Variants in STAG1 observed in about 807,000 individuals in gnomAD.
STAG1 encodes the protein STAG1 cohesin complex component.
In STAG1, 26 loss-of-function variants were observed where a neutral mutation model predicts 170.9. That is an observed-to-expected ratio of 0.15 (90% CI 0.11 to 0.21). The LOEUF (loss-of-function observed/expected upper bound fraction) is 0.21. Ranked by LOEUF, STAG1 falls within the 10% of genes least tolerant of loss-of-function variation. The pLI, the probability that STAG1 is intolerant of heterozygous loss-of-function variation, is 1.00. For missense variants in STAG1, 964 were observed against 1,509.5 expected (o/e 0.64, Z 5.99); for synonymous variants, 514 against 497.7 (o/e 1.03, Z -0.44).
chr3:136,371,622 A>C lies in STAG1; in HGVS notation c.2371-2340T>G, dbSNP rs376073002. On this transcript the variant is annotated intron_variant, in intron 23 of 33. Coordinates refer to ENST00000383202, the MANE Select transcript of STAG1 (RefSeq NM_005862.3). ...ATTTATTAAATAGGGAATCCTTTCCACATTGCTTGTTTTTCTCAGGTTTGT... is the reference window on the plus strand; with the variant it reads ...ATTTATTAAATAGGGAATCCTTTCCCCATTGCTTGTTTTTCTCAGGTTTGT... Among the ~76,000 whole-genome samples the C allele has an allele frequency of 1.5e-3, 231 of 152,204 alleles. 1 individual carries two copies. Among genetic ancestry groups the C allele is most frequent in the Admixed American group, 2.7e-3 (42 of 15,288 alleles).
At position 136,503,742 on chromosome 3, in the gene STAG1, A is replaced by AT. The variant is rs566628433; in HGVS notation, c.677-964dup. On this transcript the variant is annotated intron_variant, in intron 7 of 33. Coordinates refer to ENST00000383202, the MANE Select transcript of STAG1 (RefSeq NM_005862.3). The stretch of plus-strand genomic sequence containing the variant: ...CTGTTTCTAAAATTTCATTATTTTT[A>AT]TTTTTTTTTTGAGTTGGAGTTTCGC... 8.1e-4 allele frequency among the ~76,000 whole-genome samples: 121 copies of AT among 149,614 alleles called. 1 individual carries two copies. The highest frequency in any genetic ancestry group is 1.1e-3 in the South Asian group (5 of 4,726).
At chr3:136,356,306 T>C (rs565387840) in intron 28 of STAG1, among the ~76,000 whole-genome samples, 1 of 152,322 alleles carries the variant, frequency 6.6e-6, no homozygotes, top group South Asian at 2.1e-4. Context: ...CATCTTTACT[T>C]AGAACTATCA....
Position 136,551,255 on chromosome 3 carries a change from GAGA to G in STAG1, c.395-9063_395-9061del, listed in dbSNP as rs1559874416. Among the ~76,000 whole-genome samples the G allele has an allele frequency of 9.1e-5, 13 of 142,330 alleles. No individual in the cohort carries two copies. The East Asian group carries it at 2.0e-3, about 22-fold the overall frequency. The allele number at this position is 142,330 out of a possible 152,430, so 93.4% of individuals were successfully genotyped here. A position where few individuals can be genotyped will look rare whatever the true frequency, so the allele number is the denominator to read the frequency against. ...AGAGAGAGAGAGAGAGAGAGAGAGA[GAGA>G]GAGGGAGAGCGAGAGAGCGTGCTCT... On this transcript the variant is annotated intron_variant, in intron 5 of 33. Coordinates refer to ENST00000383202, the MANE Select transcript of STAG1 (RefSeq NM_005862.3).
intron 5 of STAG1, among the ~76,000 whole-genome samples, chr3:136,557,100 G>T (rs780028894): frequency 3.0e-4 from 46 of 151,956 alleles, no homozygotes; most frequent in Middle Eastern, 3.4e-3. Flanking sequence ...CAGGTGTAGT[G>T]GTGGTGCGTG....
intron 1 of STAG1, among the ~76,000 whole-genome samples, chr3:136,642,264 CTTTTTTTTTTT>C (rs10592920): frequency 1.2e-5 from 1 of 84,948 alleles, no homozygotes; most frequent in South Asian, 5.1e-4. Flanking sequence ...GACAGAATTT[CTTTTTTTTTTT>C]TTTTTTTTTT....
At chr3:136,445,482 C>G (rs914145006) in intron 14 of STAG1, among the ~76,000 whole-genome samples, 3 of 152,040 alleles carry the variant, frequency 2.0e-5, no homozygotes, top group Non-Finnish European at 4.4e-5. Context: ...TTATTTTAAG[C>G]TAAAATAAAG....
At chr3:136,380,576 T>C (rs978448066) in intron 22 of STAG1, among the ~76,000 whole-genome samples, 4 of 151,852 alleles carry the variant, frequency 2.6e-5, no homozygotes, top group African/African-American at 9.7e-5. Context: ...AAATAATATA[T>C]TGGCTCTAAA....
chr3:136,368,310 C>T (rs1013753612), intron 24 of STAG1, among the ~76,000 whole-genome samples: 3 of 152,082 alleles, frequency 2.0e-5, no homozygotes, highest in Non-Finnish European at 1.5e-5. Flanking sequence ...TCTAAGTGAA[C>T]TTATTTACAA....
chr3:136,724,328 A>ATG (rs1933532159), intron 1 of STAG1, among the ~76,000 whole-genome samples: 1 of 151,866 alleles, frequency 6.6e-6, no homozygotes. Context: ...TCTCTGAAAC[A>ATG]TGTGCTGTGT....
In STAG1 at chr3:136,452,181, A is replaced by T. The variant is rs780609088; in HGVS notation, c.1314-34T>A. The T allele has an allele frequency of 3.7e-6, 5 of 1,340,740 alleles. 1 individual carries two copies. In the South Asian group the frequency reaches 6.0e-5, roughly 16 times the overall value. The allele number at this position is 1,340,740 out of a possible 1,614,324, so 83.1% of individuals were successfully genotyped here. A position where few individuals can be genotyped will look rare whatever the true frequency, so the allele number is the denominator to read the frequency against. Reference sequence around the variant, plus strand: ...GAAAAACAGGGCATTGCAAAGTTACATGAATATGAACTTTAGTCTTCCCTC... The same window carrying T: ...GAAAAACAGGGCATTGCAAAGTTACTTGAATATGAACTTTAGTCTTCCCTC... On this transcript the variant is annotated intron_variant, in intron 13 of 33. Transcript: ENST00000383202.
At chr3:136,735,688 C>G (rs1260348979) in intron 1 of STAG1, among the ~76,000 whole-genome samples, 1 of 152,042 alleles carries the variant, frequency 6.6e-6, no homozygotes, top group Non-Finnish European at 1.5e-5. Flanking sequence ...TTTCTGCTAC[C>G]TGCAACCTCC....
At chr3:136,396,057 G>A (rs1257614401) in intron 22 of STAG1, among the ~76,000 whole-genome samples, 1 of 152,096 alleles carries the variant, frequency 6.6e-6, no homozygotes, top group Non-Finnish European at 1.5e-5. Flanking sequence ...TGTGCGCCAT[G>A]ATGCCCAGCT....
chr3:136,556,266 T>TGAA (rs1284849780), intron 5 of STAG1, among the ~76,000 whole-genome samples: 6 of 152,184 alleles, frequency 3.9e-5, no homozygotes, highest in Non-Finnish European at 7.3e-5. Flanking sequence ...GCAGAGGGGA[T>TGAA]GAATATATGC....
chr3:136,487,065 A>G (rs2090031871), intron 9 of STAG1, among the ~76,000 whole-genome samples: 1 of 146,114 alleles, frequency 6.8e-6, no homozygotes. Context: ...GGTTTGTTAT[A>G]CAGGTATGCA....
intron 21 of STAG1, among the ~76,000 whole-genome samples, chr3:136,416,846 T>C (rs1330348096): frequency 1.6e-5 from 1 of 62,928 alleles, no homozygotes; most frequent in African/African-American, 1.0e-4. Flanking sequence ...ATAATTAACT[T>C]TTTTTTTTTT....
intron 5 of STAG1, among the ~76,000 whole-genome samples, chr3:136,559,938 T>C (rs1936774193): frequency 6.6e-6 from 1 of 152,380 alleles, no homozygotes; most frequent in African/African-American, 2.4e-5. Context: ...ATTATGTATG[T>C]CATTTTCTAA....
chr3:136,353,003 A>G (rs1051705217), intron 28 of STAG1, among the ~76,000 whole-genome samples: 1 of 152,218 alleles, frequency 6.6e-6, no homozygotes, highest in African/African-American at 2.4e-5. Flanking sequence ...AATATCTCTC[A>G]TGAAATAAAG....
At chr3:136,537,465 T>G (rs1352564631) in intron 6 of STAG1, among the ~76,000 whole-genome samples, 1 of 151,884 alleles carries the variant, frequency 6.6e-6, no homozygotes, top group Non-Finnish European at 1.5e-5. Flanking sequence ...TTCAATGACT[T>G]TAAGCCTAAT....
Position 136,424,622 on chromosome 3 carries a change from T to C in STAG1, c.1651-1578A>G, listed in dbSNP as rs550383828. On this transcript the variant is annotated intron_variant, in intron 16 of 33. Coordinates refer to ENST00000383202, the MANE Select transcript of STAG1 (RefSeq NM_005862.3). ...TGCTGGAATTACAGGTGTGAGCCAC[T>C]GCGCCCAGCCTGAGTGGTCATTTTG... Among the ~76,000 whole-genome samples, 4 of 151,932 alleles carry C rather than the reference T, an allele frequency of 2.6e-5. No homozygotes were observed. In the East Asian group the frequency reaches 7.8e-4, roughly 30 times the overall value.
Sources: gnomAD v4.1 joint callset for allele counts (sites outside exome capture counted in the v4.1 genomes callset) on GRCh38, gnomAD v4.1.1 for gene constraint, MANE v1.5 for transcripts, NCBI Gene and HGNC (gene_info 2026-07-23, HGNC 2026-07-21) for gene names.